Variants in NALCN observed in about 807,000 individuals in gnomAD.
The protein encoded by NALCN is sodium leak channel, non-selective.
A neutral mutation model predicts 225.3 loss-of-function variants in NALCN; 111 were observed. The ratio of observed to expected loss-of-function variants is 0.49; its 90% confidence interval spans 0.42 to 0.58. The LOEUF (loss-of-function observed/expected upper bound fraction) is 0.58, where lower values mean the gene tolerates loss of function less well. Ranked by LOEUF, NALCN falls within the 20% of genes least tolerant of loss-of-function variation. NALCN has a pLI of 0.00. For synonymous variants in NALCN, 764 were observed against 769.0 expected, an observed-to-expected ratio of 0.99 and a Z score of 0.11; for missense variants, 1,378 against 2,202.4, an observed-to-expected ratio of 0.63 and a Z score of 7.49.
chr13:101,080,683 TACATAC>T (rs1404654159), intron 34 of NALCN, among the ~76,000 whole-genome samples: 1 of 146,872 alleles, frequency 6.8e-6, no homozygotes, highest in Non-Finnish European at 1.5e-5. Flanking sequence ...TAAAAATATA[TACATAC>T]ACATACACAT....
Position 101,414,818 on chromosome 13 carries a change from A to G in NALCN, c.-40+1495T>C, listed in dbSNP as rs537948586. 3.3e-5 allele frequency among the ~76,000 whole-genome samples: 5 copies of G among 152,310 alleles called. No homozygotes were observed. The South Asian group carries it at 8.3e-4, about 25-fold the overall frequency. ...GCATAGTCCTTATCAGTGACGGCAC[A>G]TTTATTCTGCAAACAGATTATGTCT... On this transcript the variant is annotated intron_variant, in intron 1 of 43. Coordinates refer to ENST00000251127, the MANE Select transcript of NALCN (RefSeq NM_052867.4).
rs753833014 is a variant in NALCN, at chr13:101,332,148, A to G, written c.799+13118T>C. On this transcript the variant is annotated intron_variant, in intron 7 of 43. Coordinates refer to ENST00000251127, the MANE Select transcript of NALCN (RefSeq NM_052867.4). ...AATATGATAAAAACAAATATTAATC[A>G]GTATTCCAGAAAACAAAGAATAGAG... Among the ~76,000 whole-genome samples, 4 of 152,196 alleles carry G rather than the reference A, an allele frequency of 2.6e-5. No homozygotes were observed. In the South Asian group the frequency reaches 6.2e-4, roughly 24 times the overall value.
intron 10 of NALCN, among the ~76,000 whole-genome samples, chr13:101,272,199 TTGAC>T (rs1017251215): frequency 7.9e-5 from 12 of 152,226 alleles, no homozygotes; most frequent in African/African-American, 2.6e-4. Flanking sequence ...TGCTGTGTTT[TTGAC>T]TGTGTGTCTC....
chr13:101,252,160 T>C (rs978265600), intron 11 of NALCN, among the ~76,000 whole-genome samples: 25 of 152,070 alleles, frequency 1.6e-4, no homozygotes, highest in East Asian at 1.9e-4. Context: ...TAGAAAGAGG[T>C]CCTTAGAGTC....
At chr13:101,305,583 A>C (rs75000751) in intron 7 of NALCN, among the ~76,000 whole-genome samples, 4,415 of 152,304 alleles carry the variant, frequency 0.029, 111 homozygotes, top group African/African-American at 0.071. Context: ...GCTAATATTC[A>C]AGGTTTTAAT....
At chr13:101,296,021 C>T (rs1566544154) in intron 7 of NALCN, among the ~76,000 whole-genome samples, 1 of 152,206 alleles carries the variant, frequency 6.6e-6, no homozygotes, top group Admixed American at 6.5e-5. Flanking sequence ...TCGCTGCTGG[C>T]CCTGCACTGC....
rs76401447 is a variant in NALCN, at chr13:101,399,210, C to T, written c.-39-45G>A. The stretch of plus-strand genomic sequence containing the variant: ...TATTTGTCATCTAAACCATCTTGCC[C>T]TCATCAAAAAATTGAGTTCCCCACA... On this transcript the variant is annotated intron_variant, in intron 1 of 43. Coordinates refer to ENST00000251127, the MANE Select transcript of NALCN (RefSeq NM_052867.4). 8.0e-3 allele frequency: 11,973 copies of T among 1,504,624 alleles called. 769 individuals carry two copies. In the African/African-American group the frequency reaches 0.14, roughly 18 times the overall value. 93.2% of individuals were successfully genotyped at this position (1,504,624 alleles called of 1,614,324 possible). A position where few individuals can be genotyped will look rare whatever the true frequency, so the allele number is the denominator to read the frequency against.
At chr13:101,131,996 TTTGA>T (rs779337459) in intron 17 of NALCN, among the ~76,000 whole-genome samples, 2 of 152,132 alleles carry the variant, frequency 1.3e-5, no homozygotes, top group Non-Finnish European at 2.9e-5. Flanking sequence ...TTTCCCCCCA[TTTGA>T]TTAATAACTG....
intron 13 of NALCN, among the ~76,000 whole-genome samples, chr13:101,223,851 C>T (rs1354619383): frequency 5.9e-5 from 9 of 152,142 alleles, no homozygotes; most frequent in Non-Finnish European, 1.3e-4. Flanking sequence ...CTCATTTCCC[C>T]TCTTGTACAT....
At chr13:101,340,184 C>T (rs1167356515) in intron 7 of NALCN, among the ~76,000 whole-genome samples, 2 of 151,954 alleles carry the variant, frequency 1.3e-5, no homozygotes, top group African/African-American at 4.8e-5. Context: ...AGGAGAATTG[C>T]TTGAACCCAG....
intron 10 of NALCN, among the ~76,000 whole-genome samples, chr13:101,266,263 G>A (rs2042593015): frequency 6.7e-6 from 1 of 149,308 alleles, no homozygotes; most frequent in African/African-American, 2.4e-5. Context: ...TACAGGGAAG[G>A]CCTGAAGGTG....
At chr13:101,160,528 C>T (rs138205466) in intron 15 of NALCN, among the ~76,000 whole-genome samples, 2 of 152,254 alleles carry the variant, frequency 1.3e-5, no homozygotes, top group Non-Finnish European at 2.9e-5. Flanking sequence ...ATTATCTCAG[C>T]TCCTCTTTTC....
At chr13:101,265,507 A>G (rs1253137829) in intron 10 of NALCN, among the ~76,000 whole-genome samples, 1 of 152,232 alleles carries the variant, frequency 6.6e-6, no homozygotes, top group Non-Finnish European at 1.5e-5. Flanking sequence ...CAAACCTCCC[A>G]GGAGACTGTG....
rs2034113260 is a variant in NALCN, at chr13:101,089,602, A to G, written c.3489+61T>C. The G allele has an allele frequency of 1.4e-6, 2 of 1,466,796 alleles. No individual in the cohort carries two copies. The highest frequency in any genetic ancestry group is 1.2e-5 in the South Asian group (1 of 85,596). 90.9% of individuals were successfully genotyped at this position (1,466,796 alleles called of 1,614,324 possible). The stretch of plus-strand genomic sequence containing the variant: ...ACGCCGCGTGTGAAAAGAAACAAAT[A>G]GCTCAAAGTGAGTGGCTAGAAAAGG... On this transcript the variant is annotated intron_variant, in intron 30 of 43. Coordinates refer to ENST00000251127, the MANE Select transcript of NALCN (RefSeq NM_052867.4). The surrounding 1 kb of genome is among the most constrained non-coding windows in gnomAD (Gnocchi z 4.7).
intron 43 of NALCN, 35 bp from the exon 44 acceptor site, chr13:101,055,523 A>G (rs1267093499): frequency 6.3e-7 from 1 of 1,584,048 alleles, no homozygotes; most frequent in Non-Finnish European, 8.7e-7. Context: ...GCCACTTGGT[A>G]TTGCTTCACC....
chr13:101,404,573 A>G (rs2139529153), intron 1 of NALCN, among the ~76,000 whole-genome samples: 1 of 152,322 alleles, frequency 6.6e-6, no homozygotes, highest in South Asian at 2.1e-4. Context: ...TGAAGTAGTA[A>G]TTAGTTATGG....
chr13:101,182,149 A>AG (rs2039262725), intron 14 of NALCN, among the ~76,000 whole-genome samples: 1 of 151,542 alleles, frequency 6.6e-6, no homozygotes, highest in Admixed American at 6.6e-5. Flanking sequence ...AAAAAAAAAA[A>AG]AAAAAAAAGA....
chr13:101,313,857 C>T (rs112345935), intron 7 of NALCN, among the ~76,000 whole-genome samples: 1 of 152,112 alleles, frequency 6.6e-6, no homozygotes, highest in African/African-American at 2.4e-5. Context: ...AAGACACATG[C>T]ACATGTATGT....
chr13:101,127,488 A>T (rs768766563), intron 17 of NALCN, among the ~76,000 whole-genome samples: 1 of 152,088 alleles, frequency 6.6e-6, no homozygotes, highest in Non-Finnish European at 1.5e-5. Context: ...CCTCCCTAGT[A>T]GCTGGGATTA....
Sources: allele counts gnomAD v4.1 joint callset (sites outside exome capture counted in the v4.1 genomes callset), GRCh38; gene constraint gnomAD v4.1.1; non-coding constraint Gnocchi (gnomAD v3.1); transcripts MANE v1.5; gene names NCBI Gene and HGNC (gene_info 2026-07-23, HGNC 2026-07-21).